CTNNA3: variants seen among roughly 807,000 people sequenced by gnomAD.
CTNNA3 encodes the protein catenin alpha-3.
Under a neutral mutation model 95.7 loss-of-function variants are expected in CTNNA3, and 76 were observed. The ratio of observed to expected loss-of-function variants is 0.79; its 90% CI spans 0.66 to 0.96. CTNNA3 has a LOEUF of 0.96. Ranked by LOEUF, CTNNA3 falls within the 40% of genes least tolerant of loss-of-function variation. The pLI, the probability that CTNNA3 is intolerant of heterozygous loss-of-function variation, is 0.00. For missense variants in CTNNA3, 1,191 were observed against 1,089.8 expected (o/e 1.09, Z -1.31); for synonymous variants, 431 against 374.4 (o/e 1.15, Z -1.74).
At chr10:67,082,737 A>G (rs1857113556) in intron 7 of CTNNA3, among the ~76,000 whole-genome samples, 1 of 152,206 alleles carries the variant, frequency 6.6e-6, no homozygotes, top group Non-Finnish European at 1.5e-5. Context: ...GTACTTCTAC[A>G]TCAGCATAGA....
chr10:66,100,556 T>A (rs564369944), intron 14 of CTNNA3, among the ~76,000 whole-genome samples: 1 of 152,138 alleles, frequency 6.6e-6, no homozygotes, highest in South Asian at 2.1e-4. Context: ...CCGAATGAAC[T>A]GGATTGTCTG....
chr10:67,759,871 A>G (rs1841453687), intron 1 of CTNNA3, among the ~76,000 whole-genome samples: 1 of 152,210 alleles, frequency 6.6e-6, no homozygotes, highest in African/African-American at 2.4e-5. Context: ...ACAACTAGTT[A>G]TCTTAGAAGA....
chr10:66,187,057 C>T (rs1216029682), intron 13 of CTNNA3, among the ~76,000 whole-genome samples: 1 of 152,106 alleles, frequency 6.6e-6, no homozygotes, highest in Non-Finnish European at 1.5e-5. Context: ...GTAGCAATGC[C>T]TGGAGGGAGC....
intron 7 of CTNNA3, among the ~76,000 whole-genome samples, chr10:66,808,359 G>C (rs1484908160): frequency 6.6e-6 from 1 of 152,132 alleles, no homozygotes; most frequent in Non-Finnish European, 1.5e-5. Context: ...ATGGAATATT[G>C]TGTTCAGTGA....
At chr10:66,773,206 C>T (rs1431272937) in intron 8 of CTNNA3, among the ~76,000 whole-genome samples, 1 of 152,154 alleles carries the variant, frequency 6.6e-6, no homozygotes, top group Non-Finnish European at 1.5e-5. Context: ...TCAAAGACAG[C>T]TTCTAACAAT....
intron 15 of CTNNA3, among the ~76,000 whole-genome samples, chr10:66,035,534 G>C (rs1398518541): frequency 8.9e-6 from 1 of 112,610 alleles, no homozygotes; most frequent in Non-Finnish European, 1.9e-5. Context: ...AGGGAATGAG[G>C]GTATTTTTTT....
intron 4 of CTNNA3, among the ~76,000 whole-genome samples, chr10:67,536,804 A>G (rs1292284128): frequency 6.6e-6 from 1 of 152,134 alleles, no homozygotes; most frequent in Non-Finnish European, 1.5e-5. Flanking sequence ...ACAAAAAGAA[A>G]CAACTTTTTT....
Position 66,814,766 on chromosome 10 carries a change from T to TAAAC in CTNNA3, c.1048-39243_1048-39242insGTTT, listed in dbSNP as rs1377383059. Among the ~76,000 whole-genome samples the TAAAC allele has an allele frequency of 4.0e-5, 6 of 150,482 alleles. No homozygotes were observed. In the East Asian group the frequency reaches 9.7e-4, roughly 24 times the overall value. ...CTGACAGAGAGACTCTATCTCAAAT[T>TAAAC]AAATAAATAAATAAATAAAGCTTAA... is the stretch of plus-strand genomic sequence containing the variant. On this transcript the variant is annotated intron_variant, in intron 7 of 17. Coordinates refer to ENST00000433211, the MANE Select transcript of CTNNA3 (RefSeq NM_013266.4).
intron 5 of CTNNA3, among the ~76,000 whole-genome samples, chr10:67,456,121 C>T (rs1847164389): frequency 6.6e-6 from 1 of 151,956 alleles, no homozygotes; most frequent in Admixed American, 6.6e-5. Flanking sequence ...AATAAAATGA[C>T]CCAACAAATC....
chr10:66,323,726 T>G (rs1042154211), intron 12 of CTNNA3, among the ~76,000 whole-genome samples: 1 of 151,636 alleles, frequency 6.6e-6, no homozygotes, highest in African/African-American at 2.4e-5. Flanking sequence ...TGGACACCCG[T>G]GGCCCTAAAT....
chr10:65,958,678 G>T (rs2133232346), intron 17 of CTNNA3, among the ~76,000 whole-genome samples: 1 of 152,290 alleles, frequency 6.6e-6, no homozygotes, highest in South Asian at 2.1e-4. Context: ...AGTTTGCCTG[G>T]ATATCACCAG....
At chr10:66,545,638 G>A (rs1842012842) in intron 10 of CTNNA3, among the ~76,000 whole-genome samples, 1 of 151,994 alleles carries the variant, frequency 6.6e-6, no homozygotes, top group Non-Finnish European at 1.5e-5. Flanking sequence ...CCATACTGAT[G>A]TAGTCTCCCA....
chr10:66,115,033 G>A (rs534335508), intron 13 of CTNNA3, among the ~76,000 whole-genome samples: 5 of 151,884 alleles, frequency 3.3e-5, no homozygotes, highest in Non-Finnish European at 7.4e-5. Flanking sequence ...TTTATCATAA[G>A]GAAAAAAAAC....
intron 1 of CTNNA3, among the ~76,000 whole-genome samples, chr10:67,753,160 T>A (rs547695565): frequency 3.3e-5 from 5 of 152,078 alleles, no homozygotes; most frequent in Non-Finnish European, 1.5e-5. Context: ...ATCTCAGAAA[T>A]AAGGCCACAC....
rs541789364 is a variant in CTNNA3 at position 66,116,896 on chromosome 10, G to A, written c.1885-13647C>T. Among the ~76,000 whole-genome samples, 311 of 152,216 alleles carry A rather than the reference G, an allele frequency of 2.0e-3. 1 individual carries two copies. Among genetic ancestry groups the A allele is most frequent in the African/African-American group, 6.9e-3 (287 of 41,524 alleles). Reference sequence around the variant, plus strand: ...CTGGTGAGAACTCATTCACTATCACGAGAACAGCAAGGGGGAAGTCCGCAC... The same window carrying A: ...CTGGTGAGAACTCATTCACTATCACAAGAACAGCAAGGGGGAAGTCCGCAC... On this transcript the variant is annotated intron_variant, in intron 13 of 17. Transcript: ENST00000433211.
chr10:66,755,626 A>T (rs1839333800), intron 9 of CTNNA3, among the ~76,000 whole-genome samples: 2 of 152,170 alleles, frequency 1.3e-5, no homozygotes, highest in Non-Finnish European at 2.9e-5. Flanking sequence ...ATACATTGTT[A>T]GTGGGAATGC....
At chr10:67,127,489 G>A (rs138893219) in intron 7 of CTNNA3, among the ~76,000 whole-genome samples, 120 of 152,144 alleles carry the variant, frequency 7.9e-4, no homozygotes, top group African/African-American at 2.8e-3. Flanking sequence ...CACTGACCTC[G>A]CATTAAGATG....
intron 5 of CTNNA3, among the ~76,000 whole-genome samples, chr10:67,269,222 T>A (rs1405397044): frequency 6.6e-6 from 1 of 152,160 alleles, no homozygotes; most frequent in South Asian, 2.1e-4. Context: ...GTTGGAGTCA[T>A]TAAAGATTTT....
intron 10 of CTNNA3, among the ~76,000 whole-genome samples, chr10:66,607,363 TG>T (rs1243949177): frequency 6.6e-6 from 1 of 150,378 alleles, no homozygotes; most frequent in Non-Finnish European, 1.5e-5. Flanking sequence ...AAAGAAGAGC[TG>T]GTATCATTCC....
Sources: gnomAD v4.1 joint callset for allele counts (sites outside exome capture counted in the v4.1 genomes callset) on GRCh38, gnomAD v4.1.1 for gene constraint, MANE v1.5 for transcripts, NCBI Gene and HGNC (gene_info 2026-07-23, HGNC 2026-07-21) for gene names.